The following TRIB3 variants were observed in gnomAD, a reference collection of about 807,000 sequenced individuals.
TRIB3 encodes the protein tribbles homolog 3.
TRIB3 carries 20 observed loss-of-function variants against 16.6 expected under a neutral mutation model. That is an observed-to-expected ratio of 1.20 (90% confidence interval 0.85 to 1.75). TRIB3 has a LOEUF of 1.75. Ranked by LOEUF, TRIB3 falls within the 40% of genes most tolerant of loss-of-function variation. The pLI is 0.00. For missense variants in TRIB3, 484 were observed against 488.9 expected (o/e 0.99, Z 0.10); for synonymous variants, 208 against 217.0 (o/e 0.96, Z 0.36).
At chr20:389,027 C>T (rs911451035) in intron 2 of TRIB3, among the ~76,000 whole-genome samples, 72 of 152,184 alleles carry the variant, frequency 4.7e-4, no homozygotes, top group African/African-American at 1.6e-3. Context: ...GGTCAAGGCC[C>T]CTGAGGGTCA....
intron 1 of TRIB3, chr20:382,347 C>T (rs1219452014): frequency 6.8e-6 from 4 of 589,216 alleles, no homozygotes; most frequent in Non-Finnish European, 1.2e-5. Flanking sequence ...CCCCAACAGG[C>T]TCTGAGGGAT....
intron 1 of TRIB3, among the ~76,000 whole-genome samples, chr20:387,358 C>T (rs2014846417): frequency 6.6e-6 from 1 of 151,944 alleles, no homozygotes; most frequent in African/African-American, 2.4e-5. Context: ...TCTTGTGCAT[C>T]CTTTCAGAGA....
chr20:389,284 A>T lies in TRIB3; in HGVS notation c.291+983A>T, dbSNP rs574006824. Among the ~76,000 whole-genome samples the T allele has an allele frequency of 1.4e-3, 219 of 152,258 alleles. 1 individual carries two copies. Among genetic ancestry groups the T allele is most frequent in the Non-Finnish European group, 1.4e-3 (97 of 68,016 alleles). ...AGAGCCAGGTGGTATCAGAGCTGGG[A>T]TTGGGCCCAGGAGGCTGAGCCCAGA... On this transcript the variant is annotated intron_variant, in intron 2 of 3. Coordinates refer to ENST00000217233, the MANE Select transcript of TRIB3 (RefSeq NM_021158.5).
rs1023032803 is a variant in TRIB3, at chr20:397,521, A to G, written c.*831A>G. On this transcript the variant is annotated 3_prime_UTR_variant, in exon 4 of 4. Coordinates refer to ENST00000217233, the MANE Select transcript of TRIB3 (RefSeq NM_021158.5). ...TAGGTTTTGGATACCATGAGTATGTATGTTTACCTGTGCCTAATAAAGGAG... is the reference window on the plus strand; with the variant it reads ...TAGGTTTTGGATACCATGAGTATGTGTGTTTACCTGTGCCTAATAAAGGAG... 1 of 152,124 alleles carries G rather than the reference A, an allele frequency of 6.6e-6. No individual in the cohort carries two copies. Among genetic ancestry groups the G allele is most frequent in the African/African-American group, 2.4e-5 (1 of 41,428 alleles). The allele number at this position is 152,124 out of a possible 1,614,324, so 9.4% of individuals were successfully genotyped here.
At chr20:382,126 T>TGTGTGC (rs1374416475) in intron 1 of TRIB3, among the ~76,000 whole-genome samples, 34 of 83,896 alleles carry the variant, frequency 4.1e-4, no homozygotes, top group Non-Finnish European at 6.5e-4. Context: ...TGTGTGTGTG[T>TGTGTGC]GCGTGCGCGC....
rs775545087 is a variant in TRIB3, at chr20:388,139, G to T, written c.129G>T (p.Leu43=). ...CTCGAAGTGGGCCCCAGCCCAGACT[G>T]CCCCCCTGCCTGTTGCCCCTGAGCC... is the stretch of plus-strand genomic sequence containing the variant. ...KRARSGPQPR[L]PPCLLPLSPP... is the part of the protein sequence containing the mutation. Residue 43 remains leucine, a synonymous_variant, in exon 2 of 4, where the codon CTG becomes CTT. Coordinates refer to ENST00000217233, the MANE Select transcript of TRIB3 (RefSeq NM_021158.5). The T allele has an allele frequency of 5.6e-6, 9 of 1,613,904 alleles. No homozygotes were observed. In the East Asian group the frequency reaches 1.1e-4, roughly 20 times the overall value.
chr20:386,290 C>T (rs2014807029), intron 1 of TRIB3, among the ~76,000 whole-genome samples: 1 of 152,182 alleles, frequency 6.6e-6, no homozygotes, highest in Non-Finnish European at 1.5e-5. Context: ...TCATATCTCT[C>T]ATCTGTGAAT....
At chr20:382,885 G>T (rs1387859239) in intron 1 of TRIB3, among the ~76,000 whole-genome samples, 2 of 152,196 alleles carry the variant, frequency 1.3e-5, no homozygotes. Flanking sequence ...CCCTTCCAAG[G>T]CAGCTCTTCC....
intron 3 of TRIB3, among the ~76,000 whole-genome samples, chr20:394,450 T>G (rs2015071543): frequency 6.6e-6 from 1 of 152,224 alleles, no homozygotes; most frequent in African/African-American, 2.4e-5. Context: ...TTAGGGTAGA[T>G]ACAACTACCC....
chr20:383,864 A>G (rs1307450756), intron 1 of TRIB3, among the ~76,000 whole-genome samples: 1 of 152,146 alleles, frequency 6.6e-6, no homozygotes, highest in African/African-American at 2.4e-5. Flanking sequence ...CCCACTTTTC[A>G]TGACACTGCC....
intron 3 of TRIB3, among the ~76,000 whole-genome samples, chr20:395,162 C>CTTT (rs11470607): frequency 6.9e-6 from 1 of 145,450 alleles, no homozygotes. Context: ...GCAGGACACA[C>CTTT]TTTTTTTTTT....
Position 391,476 on chromosome 20 carries a change from G to A in TRIB3, c.481G>A (p.Val161Met), listed in dbSNP as rs200611082. 1.5e-5 allele frequency: 24 copies of A among 1,613,810 alleles called. No individual in the cohort carries two copies. The highest frequency in any genetic ancestry group is 6.7e-5 in the East Asian group (3 of 44,880). The change falls in exon 3 of 4, where the codon GTG becomes ATG. Residue 161 changes from valine to methionine, a missense_variant. Val to Met is a conservative substitution (Grantham distance 21). Coordinates refer to ENST00000217233, the MANE Select transcript of TRIB3 (RefSeq NM_021158.5). ...CCGTATCCCTGAGCCTGAGGCTGCC[G>A]TGCTCTTCCGCCAGATGGCCACCGC... is the stretch of plus-strand genomic sequence containing the variant. The part of the protein sequence containing the change: ...RHRIPEPEAA[V>M]LFRQMATALA...
At chr20:396,088 C>A in intron 3 of TRIB3, 110 bp from the exon 4 acceptor site, 1 of 1,487,416 alleles carries the variant, frequency 6.7e-7, no homozygotes, top group Non-Finnish European at 9.0e-7. Context: ...TTGTGTCTGT[C>A]AAAGGCCAGC....
intron 3 of TRIB3, among the ~76,000 whole-genome samples, chr20:392,708 C>G (rs1462734211): frequency 2.6e-5 from 4 of 151,964 alleles, no homozygotes; most frequent in Non-Finnish European, 5.9e-5. Flanking sequence ...AGGCATGCGC[C>G]ACCATGCCTG....
chr20:383,914 C>T (rs1600246175), intron 1 of TRIB3, among the ~76,000 whole-genome samples: 1 of 152,284 alleles, frequency 6.6e-6, no homozygotes, highest in African/African-American at 2.4e-5. Flanking sequence ...TTTTCTTCCA[C>T]AGTCCCCAAA....
At chr20:381,447 A>T (rs1207690826) in intron 1 of TRIB3, 1 of 152,698 alleles carries the variant, frequency 6.5e-6, no homozygotes, top group Non-Finnish European at 1.5e-5. Flanking sequence ...GAAGCCAGGG[A>T]CGGAGGTGTC....
At chr20:390,572 G>A (rs911847109) in intron 2 of TRIB3, among the ~76,000 whole-genome samples, 7 of 152,150 alleles carry the variant, frequency 4.6e-5, no homozygotes, top group African/African-American at 9.7e-5. Context: ...GAGCTGTGAC[G>A]GTGATGAGCA....
intron 3 of TRIB3, among the ~76,000 whole-genome samples, chr20:393,076 A>T (rs2015024439): frequency 1.0e-5 from 1 of 97,542 alleles, no homozygotes; most frequent in African/African-American, 5.0e-5. Flanking sequence ...TAGAAAACCT[A>T]CAAAAATAGT....
chr20:396,332 A>G lies in TRIB3; in HGVS notation c.719A>G (p.Lys240Arg), dbSNP rs755561059. Reference protein sequence around the residue: ...ILSSRASYSGKAADVWSLGVA... With the variant: ...ILSSRASYSGRAADVWSLGVA... ...AGCTCACGGGCCTCATACTCGGGCAAGGCAGCCGATGTCTGGAGCCTGGGC... is the reference window on the plus strand; with the variant it reads ...AGCTCACGGGCCTCATACTCGGGCAGGGCAGCCGATGTCTGGAGCCTGGGC... Residue 240 changes from lysine (K) to arginine (R), a missense_variant, in exon 4 of 4, where the codon AAG becomes AGG. Transcript: ENST00000217233. 3 of 1,613,760 alleles carry G rather than the reference A, an allele frequency of 1.9e-6. No homozygotes were observed. The highest frequency in any genetic ancestry group is 2.2e-5 in the East Asian group (1 of 44,890).
Sources: gnomAD v4.1 joint callset for allele counts (sites outside exome capture counted in the v4.1 genomes callset) on GRCh38, gnomAD v4.1.1 for gene constraint, MANE v1.5 for transcripts, NCBI Gene and HGNC (gene_info 2026-07-23, HGNC 2026-07-21) for gene names.